The following C1orf21 variants were observed in gnomAD, a reference collection of about 807,000 sequenced individuals.
C1orf21 encodes the protein chromosome 1 open reading frame 21, also known as uncharacterized protein C1orf21.
A neutral mutation model predicts 18.7 loss-of-function variants in C1orf21; 3 were observed. That is an observed-to-expected ratio of 0.16 (90% CI 0.07 to 0.42). The LOEUF (loss-of-function observed/expected upper bound fraction) is 0.42, where lower values mean the gene tolerates loss of function less well. Among genes scored for constraint, C1orf21 ranks in the 10% least tolerant of loss-of-function variants. The pLI is 0.99. For synonymous variants in C1orf21, 41 were observed against 46.4 expected (o/e 0.88, Z 0.47); for missense variants, 104 against 143.6 (o/e 0.72, Z 1.41).
At chr1:184,410,665 T>TATATTTTA (rs1557965191) in intron 1 of C1orf21, among the ~76,000 whole-genome samples, 1 of 16,516 alleles carries the variant, frequency 6.1e-5, no homozygotes, top group Non-Finnish European at 8.8e-5. Context: ...ATATATATAT[T>TATATTTTA]TTTTTTTTTT....
chr1:184,576,591 C>T (rs1238884522), intron 3 of C1orf21, among the ~76,000 whole-genome samples: 1 of 152,244 alleles, frequency 6.6e-6, no homozygotes, highest in African/African-American at 2.4e-5. Context: ...GTCCAGGGTC[C>T]TCTCAGGCCT....
intron 1 of C1orf21, among the ~76,000 whole-genome samples, chr1:184,463,082 CAAAAAAAAAAAA>C (rs397982231): frequency 1.2e-5 from 1 of 80,318 alleles, no homozygotes; most frequent in Non-Finnish European, 2.5e-5. Context: ...GACTCCATCT[CAAAAAAAAAAAA>C]AAAAAAAAGA....
intron 1 of C1orf21, among the ~76,000 whole-genome samples, chr1:184,444,493 A>G (rs1038548685): frequency 1.3e-5 from 2 of 152,062 alleles, no homozygotes; most frequent in Admixed American, 6.6e-5. Context: ...ACCTCCCACT[A>G]TGATTCTGAG....
At chr1:184,437,175 C>T (rs1026892029) in intron 1 of C1orf21, among the ~76,000 whole-genome samples, 2 of 152,160 alleles carry the variant, frequency 1.3e-5, no homozygotes, top group East Asian at 1.9e-4. Context: ...TATCTAGCTC[C>T]CTCTCTCTGT....
chr1:184,428,103 G>A (rs1275433571), intron 1 of C1orf21, among the ~76,000 whole-genome samples: 2 of 152,330 alleles, frequency 1.3e-5, no homozygotes, highest in African/African-American at 4.8e-5. Context: ...ACTTCAGTGG[G>A]TGTTGTGAGG....
At chr1:184,526,997 T>C (rs1286313093) in intron 3 of C1orf21, among the ~76,000 whole-genome samples, 1 of 152,116 alleles carries the variant, frequency 6.6e-6, no homozygotes. Flanking sequence ...AACAGGGAAA[T>C]GCATCATATT....
chr1:184,424,154 T>C (rs546023897), intron 1 of C1orf21, among the ~76,000 whole-genome samples: 3 of 152,342 alleles, frequency 2.0e-5, no homozygotes, highest in South Asian at 4.1e-4. Context: ...TTCTCTTTTT[T>C]TGTGATTGCT....
chr1:184,613,328 T>G (rs1342159470), intron 5 of C1orf21, among the ~76,000 whole-genome samples: 1 of 152,208 alleles, frequency 6.6e-6, no homozygotes, highest in Non-Finnish European at 1.5e-5. Context: ...ACTGGTGATT[T>G]TGGAACAAAT....
chr1:184,413,638 A>T (rs574052051), intron 1 of C1orf21, among the ~76,000 whole-genome samples: 1 of 152,330 alleles, frequency 6.6e-6, no homozygotes, highest in East Asian at 1.9e-4. Flanking sequence ...GAGTCTGTAG[A>T]TACAGCGGCT....
chr1:184,613,106 C>G (rs1034725812), intron 5 of C1orf21, among the ~76,000 whole-genome samples: 1 of 152,252 alleles, frequency 6.6e-6, no homozygotes, highest in East Asian at 1.9e-4. Context: ...CACGCCACCA[C>G]GCCCAGCTAA....
intron 1 of C1orf21, among the ~76,000 whole-genome samples, chr1:184,437,099 ATCC>A (rs1295194118): frequency 2.0e-5 from 3 of 152,092 alleles, no homozygotes; most frequent in Non-Finnish European, 4.4e-5. Context: ...GGGTGAAGAA[ATCC>A]TCTTGACACT....
intron 1 of C1orf21, among the ~76,000 whole-genome samples, chr1:184,400,310 G>A (rs1321183792): frequency 6.6e-6 from 1 of 152,084 alleles, no homozygotes; most frequent in Non-Finnish European, 1.5e-5. Context: ...TTGCCTTTGA[G>A]CTGGTCATTG....
intron 4 of C1orf21, 116 bp downstream of exon 4, chr1:184,590,931 A>G (rs1558009801): frequency 9.2e-7 from 1 of 1,091,260 alleles, no homozygotes; most frequent in Non-Finnish European, 1.3e-6. Flanking sequence ...AATTCTACAA[A>G]GTTCCAAAAA....
chr1:184,609,835 A>G (rs531071344), intron 5 of C1orf21, among the ~76,000 whole-genome samples: 8 of 152,382 alleles, frequency 5.2e-5, no homozygotes, highest in African/African-American at 1.7e-4. Flanking sequence ...TAAAAATGTC[A>G]TGCATATGGA....
chr1:184,513,534 G>A (rs1017825768), intron 3 of C1orf21, among the ~76,000 whole-genome samples: 1 of 152,214 alleles, frequency 6.6e-6, no homozygotes, highest in Non-Finnish European at 1.5e-5. Flanking sequence ...CTCTTAACCA[G>A]CTCTGCAAAT....
intron 1 of C1orf21, among the ~76,000 whole-genome samples, chr1:184,434,761 C>T (rs1379109582): frequency 6.6e-6 from 1 of 152,082 alleles, no homozygotes. Flanking sequence ...GAACTGGCCA[C>T]GTCTAAGAAA....
intron 1 of C1orf21, among the ~76,000 whole-genome samples, chr1:184,427,170 C>T (rs539361370): frequency 6.6e-6 from 1 of 152,122 alleles, no homozygotes; most frequent in Non-Finnish European, 1.5e-5. Context: ...CCAAGAACTC[C>T]GTCAAAACCA....
intron 3 of C1orf21, among the ~76,000 whole-genome samples, chr1:184,546,924 C>T (rs1014292217): frequency 4.6e-5 from 7 of 152,202 alleles, no homozygotes; most frequent in African/African-American, 1.7e-4. Flanking sequence ...TGATTTAGAG[C>T]ACAGTTGACC....
At chr1:184,487,356 G>T (rs1413768275) in intron 2 of C1orf21, among the ~76,000 whole-genome samples, 1 of 152,176 alleles carries the variant, frequency 6.6e-6, no homozygotes, top group Admixed American at 6.5e-5. Context: ...CCCCTGAACC[G>T]TTACAACTTG....
Sources: allele counts gnomAD v4.1 joint callset (sites outside exome capture counted in the v4.1 genomes callset), GRCh38; gene constraint gnomAD v4.1.1; transcripts MANE v1.5; gene names NCBI Gene and HGNC (gene_info 2026-07-23, HGNC 2026-07-21).